The following PREP variants were observed in gnomAD, a reference collection of about 807,000 sequenced individuals.
PREP encodes dJ355L5.1 (prolyl endopeptidase).
In PREP, 29 loss-of-function variants were observed where a neutral mutation model predicts 87.6. That is an observed-to-expected ratio of 0.33 (90% CI 0.25 to 0.45). The LOEUF (loss-of-function observed/expected upper bound fraction) is 0.45. PREP is among the 20% of genes least tolerant of loss of function. The probability of loss-of-function intolerance (pLI) is 1.00; values close to 1 mark genes in which losing one functional copy is unlikely to be tolerated. For missense variants in PREP, 695 were observed against 886.5 expected (o/e 0.78, Z 2.74); for synonymous variants, 337 against 328.6 (o/e 1.03, Z -0.28).
chr6:105,324,452 G>C (rs73514015), intron 9 of PREP, among the ~76,000 whole-genome samples: 4,304 of 152,258 alleles, frequency 0.028, 206 homozygotes, highest in African/African-American at 0.1. Context: ...CAAATTTAAT[G>C]CTACTACTTT....
intron 7 of PREP, among the ~76,000 whole-genome samples, chr6:105,347,321 G>A (rs748251965): frequency 2.0e-5 from 3 of 152,192 alleles, no homozygotes; most frequent in Non-Finnish European, 2.9e-5. Context: ...GCTACCACGT[G>A]TCATTACAAG....
intron 2 of PREP, among the ~76,000 whole-genome samples, chr6:105,396,091 G>A (rs952157328): frequency 6.6e-6 from 1 of 152,180 alleles, no homozygotes; most frequent in Non-Finnish European, 1.5e-5. Context: ...AGATACTCAG[G>A]TGTTTCTCAC....
At chr6:105,370,519 T>C (rs1474724808) in intron 5 of PREP, among the ~76,000 whole-genome samples, 1 of 152,176 alleles carries the variant, frequency 6.6e-6, no homozygotes, top group East Asian at 1.9e-4. Flanking sequence ...CCCACAGTCA[T>C]GCTCCTTTAC....
chr6:105,399,063 C>T (rs1184461861), intron 1 of PREP, among the ~76,000 whole-genome samples: 1 of 150,948 alleles, frequency 6.6e-6, no homozygotes, highest in South Asian at 2.2e-4. Context: ...GCTGAGACAA[C>T]GCCTATTGCA....
chr6:105,365,486 T>C (rs1422103935), intron 6 of PREP, among the ~76,000 whole-genome samples: 1 of 152,188 alleles, frequency 6.6e-6, no homozygotes, highest in African/African-American at 2.4e-5. Context: ...GACTTGGAAC[T>C]GGACCATCAA....
At chr6:105,285,793 T>C (rs1240350650) in intron 11 of PREP, among the ~76,000 whole-genome samples, 1 of 152,246 alleles carries the variant, frequency 6.6e-6, no homozygotes, top group Non-Finnish European at 1.5e-5. Flanking sequence ...ACATATTTTT[T>C]GAGACAGAGT....
At chr6:105,344,508 G>C (rs191979774) in intron 7 of PREP, among the ~76,000 whole-genome samples, 19 of 144,150 alleles carry the variant, frequency 1.3e-4, no homozygotes, top group African/African-American at 3.9e-4. Context: ...AAAAAAAAAA[G>C]GATGAGTTCA....
At chr6:105,341,488 T>C (rs6929146) in intron 7 of PREP, among the ~76,000 whole-genome samples, 1 of 151,708 alleles carries the variant, frequency 6.6e-6, no homozygotes, top group South Asian at 2.1e-4. Flanking sequence ...CTAGAGAAGC[T>C]AGAGCAAACA....
intron 3 of PREP, among the ~76,000 whole-genome samples, chr6:105,377,132 C>T (rs1772705973): frequency 6.6e-6 from 1 of 152,146 alleles, no homozygotes; most frequent in Non-Finnish European, 1.5e-5. Flanking sequence ...CAATTACTAC[C>T]GATAAGACGA....
chr6:105,278,123 A>G lies in PREP; in HGVS notation c.*21T>C. ...GCCCTTGAGGTTTTCTGTCGCTGTC[A>G]GGAGGAAGCACGAAAACTGTTTATG... On this transcript the variant is annotated 3_prime_UTR_variant, in exon 15 of 15. Transcript: ENST00000652536. The surrounding 1 kb of genome is among the most constrained non-coding windows in gnomAD (Gnocchi z 4.2). 1 of 1,593,520 alleles carries G rather than the reference A, an allele frequency of 6.3e-7. No homozygotes were observed. The highest frequency in any genetic ancestry group is 1.1e-5 in the South Asian group (1 of 88,964).
intron 14 of PREP, chr6:105,280,613 T>G (rs1770060543): frequency 1.3e-5 from 2 of 152,110 alleles, no homozygotes; most frequent in East Asian, 1.9e-4. Context: ...TTTTTTTTTT[T>G]GAGACAGGGT....
chr6:105,370,733 A>T (rs1348992126), intron 5 of PREP, among the ~76,000 whole-genome samples: 1 of 152,228 alleles, frequency 6.6e-6, no homozygotes, highest in Non-Finnish European at 1.5e-5. Flanking sequence ...TAGGGAACTT[A>T]AATGTATTAT....
chr6:105,386,588 G>C (rs1773000820), intron 2 of PREP, among the ~76,000 whole-genome samples: 1 of 152,126 alleles, frequency 6.6e-6, no homozygotes, highest in African/African-American at 2.4e-5. Context: ...TTACAAAGAT[G>C]CTATAAACAA....
chr6:105,398,878 C>G (rs1288935544), intron 1 of PREP, among the ~76,000 whole-genome samples: 1 of 152,176 alleles, frequency 6.6e-6, no homozygotes, highest in African/African-American at 2.4e-5. Flanking sequence ...GAGACTGAGG[C>G]AGGCGGATCA....
At chr6:105,285,679 G>T in intron 11 of PREP, 99 bp from the exon 12 acceptor site, 1 of 880,170 alleles carries the variant, frequency 1.1e-6, no homozygotes, top group Non-Finnish European at 1.9e-6. Flanking sequence ...ACAACACTCT[G>T]AGTAATATCA....
chr6:105,375,725 T>C (rs1005163005), intron 4 of PREP, among the ~76,000 whole-genome samples: 4 of 152,268 alleles, frequency 2.6e-5, no homozygotes, highest in African/African-American at 9.6e-5. Flanking sequence ...CTGATAAACA[T>C]TCTTTCCTGT....
intron 10 of PREP, among the ~76,000 whole-genome samples, chr6:105,294,459 C>G (rs183800599): frequency 1.3e-5 from 2 of 152,342 alleles, no homozygotes; most frequent in Admixed American, 6.5e-5. Flanking sequence ...CCCTCAGTGA[C>G]TGTAACAGTG....
At chr6:105,358,157 T>G (rs1222834660) in intron 6 of PREP, among the ~76,000 whole-genome samples, 1 of 151,954 alleles carries the variant, frequency 6.6e-6, no homozygotes, top group African/African-American at 2.4e-5. Context: ...ATGACTTAAC[T>G]TCATAAAAAT....
At chr6:105,383,567 T>C (rs1327584888) in intron 2 of PREP, among the ~76,000 whole-genome samples, 1 of 152,212 alleles carries the variant, frequency 6.6e-6, no homozygotes, top group East Asian at 1.9e-4. Flanking sequence ...TGGGACCATC[T>C]GCTCTTGGGT....
Sources: allele counts gnomAD v4.1 joint callset (sites outside exome capture counted in the v4.1 genomes callset), GRCh38; gene constraint gnomAD v4.1.1; non-coding constraint Gnocchi (gnomAD v3.1); transcripts MANE v1.5; gene names NCBI Gene and HGNC (gene_info 2026-07-23, HGNC 2026-07-21).